Variants in IL1RAPL2 observed in about 807,000 individuals in gnomAD.
IL1RAPL2 encodes X-linked interleukin-1 receptor accessory protein-like 2.
In IL1RAPL2, 3 loss-of-function variants were observed where a neutral mutation model predicts 44.1. That is an observed-to-expected ratio of 0.07 (90% CI 0.03 to 0.18). The LOEUF (loss-of-function observed/expected upper bound fraction) is 0.18. IL1RAPL2 is among the 10% of genes least tolerant of loss of function. IL1RAPL2 has a pLI of 1.00. For missense variants in IL1RAPL2, 391 were observed against 496.4 expected, an observed-to-expected ratio of 0.79 and a Z score of 2.02; for synonymous variants, 181 against 178.8, an observed-to-expected ratio of 1.01 and a Z score of -0.10.
intron 7 of IL1RAPL2, among the ~76,000 whole-genome samples, chrX:105,732,935 AAATAT>A (rs2038417572): frequency 9.0e-6 from 1 of 111,667 alleles, no homozygotes. Context: ...TAATAAAATA[AAATAT>A]TTTATTTTGA....
At chrX:105,129,753 T>A (rs1470827435) in intron 2 of IL1RAPL2, among the ~76,000 whole-genome samples, 1 of 110,858 alleles carries the variant, frequency 9.0e-6, no homozygotes, top group African/African-American at 3.3e-5. Flanking sequence ...GTGATCCTTC[T>A]TGACCTTTTT....
At chrX:105,383,684 C>T (rs891799283) in intron 5 of IL1RAPL2, among the ~76,000 whole-genome samples, 6 of 112,187 alleles carry the variant, frequency 5.3e-5, no homozygotes, top group Middle Eastern at 4.6e-3. Context: ...CAGGAACTGC[C>T]GTACTGTTTT....
intron 2 of IL1RAPL2, among the ~76,000 whole-genome samples, chrX:104,707,570 T>G (rs1046420188): frequency 9.6e-6 from 1 of 104,244 alleles, no homozygotes; most frequent in African/African-American, 3.3e-5. Context: ...GATGATAATT[T>G]TATTGTACAC....
intron 2 of IL1RAPL2, among the ~76,000 whole-genome samples, chrX:104,940,995 C>A (rs140791794): frequency 9.4e-6 from 1 of 106,247 alleles, no homozygotes; most frequent in Non-Finnish European, 1.9e-5. Flanking sequence ...TCTGTCCTTG[C>A]AATAGTTTGC....
At chrX:105,369,777 T>C (rs2035323506) in intron 5 of IL1RAPL2, among the ~76,000 whole-genome samples, 1 of 111,322 alleles carries the variant, frequency 9.0e-6, no homozygotes, top group Non-Finnish European at 1.9e-5. Flanking sequence ...GTTGAGATGC[T>C]CTATCTGTGC....
At chrX:105,021,011 G>T (rs2031273812) in intron 2 of IL1RAPL2, among the ~76,000 whole-genome samples, 1 of 111,648 alleles carries the variant, frequency 9.0e-6, no homozygotes, top group South Asian at 3.7e-4. Context: ...CTAAGACAAA[G>T]CCACACTGCA....
At chrX:105,182,924 G>A (rs191787935) in intron 2 of IL1RAPL2, among the ~76,000 whole-genome samples, 2 of 111,396 alleles carry the variant, frequency 1.8e-5, no homozygotes, top group Admixed American at 9.6e-5. Flanking sequence ...GGTGCATGCA[G>A]GTGGGTGCAG....
intron 2 of IL1RAPL2, among the ~76,000 whole-genome samples, chrX:104,844,313 C>A (rs1299468765): frequency 1.1e-4 from 12 of 111,204 alleles, no homozygotes; most frequent in Non-Finnish European, 2.1e-4. Context: ...CAACCTTTTC[C>A]AAGTAAGTAC....
At chrX:104,715,466 G>T (rs1674180986) in intron 2 of IL1RAPL2, among the ~76,000 whole-genome samples, 1 of 105,257 alleles carries the variant, frequency 9.5e-6, no homozygotes, top group Non-Finnish European at 1.9e-5. Flanking sequence ...CTTTTGAACG[G>T]TTTTTGTGTC....
At chrX:105,732,434 G>T (rs1433951184) in intron 7 of IL1RAPL2, among the ~76,000 whole-genome samples, 2 of 109,592 alleles carry the variant, frequency 1.8e-5, no homozygotes, top group African/African-American at 3.3e-5. Context: ...TGTGAGATCT[G>T]GTTGTTTAAA....
At chrX:105,585,930 T>A (rs746409560) in intron 6 of IL1RAPL2, among the ~76,000 whole-genome samples, 1 of 112,112 alleles carries the variant, frequency 8.9e-6, no homozygotes, top group East Asian at 2.8e-4. Context: ...ATTAAGGACA[T>A]AAGCATTGAG....
At chrX:104,991,712 T>C (rs1454655429) in intron 2 of IL1RAPL2, among the ~76,000 whole-genome samples, 1 of 111,771 alleles carries the variant, frequency 8.9e-6, no homozygotes, top group Non-Finnish European at 1.9e-5. Flanking sequence ...TGAGACAGGC[T>C]CTAGGGAATT....
intron 2 of IL1RAPL2, among the ~76,000 whole-genome samples, chrX:105,083,465 G>A (rs2032440004): frequency 9.1e-6 from 1 of 110,047 alleles, no homozygotes; most frequent in Non-Finnish European, 1.9e-5. Flanking sequence ...CCACAAGATA[G>A]TTGTCAAGTA....
chrX:105,680,817 T>A (rs1602518709), intron 6 of IL1RAPL2, among the ~76,000 whole-genome samples: 1 of 111,921 alleles, frequency 8.9e-6, no homozygotes, highest in African/African-American at 3.2e-5. Flanking sequence ...AAGACTCCTA[T>A]AACAAAAGAT....
chrX:105,039,297 T>C (rs1158882447), intron 2 of IL1RAPL2, among the ~76,000 whole-genome samples: 1 of 111,777 alleles, frequency 8.9e-6, no homozygotes, highest in Non-Finnish European at 1.9e-5. Context: ...GAGTGAGCTA[T>C]GGAATATTCT....
chrX:104,970,724 C>T (rs62604867), intron 2 of IL1RAPL2, among the ~76,000 whole-genome samples: 37,489 of 110,559 alleles, frequency 0.34, 5,515 homozygotes, highest in East Asian at 0.46. Flanking sequence ...TCAAGTCCTA[C>T]TTCCTACCTC....
chrX:104,761,644 G>A (rs1294083072), intron 2 of IL1RAPL2, among the ~76,000 whole-genome samples: 1 of 111,602 alleles, frequency 9.0e-6, no homozygotes. Flanking sequence ...TTCCACCTAT[G>A]AGCCTGTAAA....
chrX:104,883,137 A>G (rs1054270501), intron 2 of IL1RAPL2, among the ~76,000 whole-genome samples: 1 of 111,885 alleles, frequency 8.9e-6, no homozygotes, highest in African/African-American at 3.2e-5. Context: ...AACCAATTCC[A>G]GACACATTTT....
chrX:104,908,466 A>ATG (rs1569339895), intron 2 of IL1RAPL2, among the ~76,000 whole-genome samples: 1 of 110,515 alleles, frequency 9.0e-6, no homozygotes, highest in Non-Finnish European at 1.9e-5. Context: ...CATGTTTAGC[A>ATG]CTTCCTTCAG....
Sources: allele counts gnomAD v4.1 joint callset (sites outside exome capture counted in the v4.1 genomes callset), GRCh38; gene constraint gnomAD v4.1.1; transcripts MANE v1.5; gene names NCBI Gene and HGNC (gene_info 2026-07-23, HGNC 2026-07-21).